Variants in STARD13 observed in about 807,000 individuals in gnomAD.
STARD13 encodes the protein StAR related lipid transfer domain containing 13.
A neutral mutation model predicts 106.4 loss-of-function variants in STARD13; 62 were observed. The ratio of observed to expected loss-of-function variants is 0.58; its 90% CI spans 0.48 to 0.72. STARD13 has a LOEUF of 0.72. Ranked by LOEUF, STARD13 falls within the 30% of genes least tolerant of loss-of-function variation. The pLI, the probability that STARD13 is intolerant of heterozygous loss-of-function variation, is 0.00. For synonymous variants in STARD13, 565 were observed against 553.0 expected (o/e 1.02, Z -0.31); for missense variants, 1,387 against 1,424.0 (o/e 0.97, Z 0.42).
the STARD13 span, among the ~76,000 whole-genome samples, chr13:33,593,917 C>CT: frequency 2.5e-4 from 38 of 151,700 alleles, no homozygotes; most frequent in South Asian, 8.3e-4. Context: ...TTTTTGTTTT[C>CT]TTTTTTTGAG....
chr13:33,634,526 G>T, the STARD13 span, among the ~76,000 whole-genome samples: 1 of 151,752 alleles, frequency 6.6e-6, no homozygotes, highest in Non-Finnish European at 1.5e-5. Context: ...TTTTCTTTTT[G>T]CAGAAGTTAT....
the STARD13 span, among the ~76,000 whole-genome samples, chr13:33,499,517 T>TC: frequency 1.9e-5 from 2 of 105,004 alleles, no homozygotes; most frequent in African/African-American, 7.4e-5. Flanking sequence ...TCTTCTTCTT[T>TC]CTTTCTTCTT....
At chr13:33,613,131 G>A in the STARD13 span, among the ~76,000 whole-genome samples, 2 of 152,216 alleles carry the variant, frequency 1.3e-5, no homozygotes, top group Non-Finnish European at 2.9e-5. Context: ...GATGGTTCCT[G>A]CCTTCAAGCA....
the STARD13 span, among the ~76,000 whole-genome samples, chr13:33,591,288 T>C: frequency 6.6e-6 from 1 of 152,258 alleles, no homozygotes; most frequent in Non-Finnish European, 1.5e-5. Flanking sequence ...AAGAAAACTC[T>C]GTCTGTTGGA....
the STARD13 span, among the ~76,000 whole-genome samples, chr13:33,598,135 T>C: frequency 6.6e-6 from 1 of 152,170 alleles, no homozygotes; most frequent in Non-Finnish European, 1.5e-5. Flanking sequence ...TCAATGTCCT[T>C]TTTTGCTAAG....
intron 1 of STARD13, among the ~76,000 whole-genome samples, chr13:33,310,245 C>A (rs1451348006): frequency 6.6e-6 from 1 of 152,042 alleles, no homozygotes; most frequent in Non-Finnish European, 1.5e-5. Flanking sequence ...GGTGGTTCTT[C>A]CGGCTGTCAA....
At chr13:33,119,259 A>G (rs1875884564) in intron 7 of STARD13, among the ~76,000 whole-genome samples, 3 of 152,190 alleles carry the variant, frequency 2.0e-5, no homozygotes, top group Admixed American at 1.3e-4. Flanking sequence ...TTAAATGCCT[A>G]TAGGGAGTTG....
the STARD13 span, among the ~76,000 whole-genome samples, chr13:33,620,048 ACT>A: frequency 6.6e-6 from 1 of 151,836 alleles, no homozygotes; most frequent in South Asian, 2.1e-4. Flanking sequence ...CAAGAGCAAA[ACT>A]CTGTCTCAAA....
chr13:33,308,985 T>G (rs1405588462), intron 1 of STARD13, among the ~76,000 whole-genome samples: 1 of 152,228 alleles, frequency 6.6e-6, no homozygotes, highest in African/African-American at 2.4e-5. Context: ...GTGAACCTGA[T>G]GGGCACTTTG....
At chr13:33,128,219 A>G (rs1317159467) in intron 5 of STARD13, among the ~76,000 whole-genome samples, 4 of 152,060 alleles carry the variant, frequency 2.6e-5, no homozygotes, top group Admixed American at 2.6e-4. Context: ...AGAGAGAGAG[A>G]GAGGGAGAGA....
chr13:33,268,867 G>A (rs1300848841), intron 1 of STARD13, among the ~76,000 whole-genome samples: 1 of 152,232 alleles, frequency 6.6e-6, no homozygotes, highest in African/African-American at 2.4e-5. Flanking sequence ...TGTTCAGTGA[G>A]CAGAGCCAGC....
chr13:33,596,548 G>A, the STARD13 span, among the ~76,000 whole-genome samples: 1 of 152,148 alleles, frequency 6.6e-6, no homozygotes. Context: ...TCATTTCTTT[G>A]TGTTGGGAAC....
At chr13:33,235,131 G>C (rs1190086291) in intron 1 of STARD13, among the ~76,000 whole-genome samples, 1 of 152,140 alleles carries the variant, frequency 6.6e-6, no homozygotes, top group African/African-American at 2.4e-5. Flanking sequence ...GGGCACTCTG[G>C]GGCACTGTAG....
the STARD13 span, among the ~76,000 whole-genome samples, chr13:33,609,105 A>AAAAAAAAAAAG: frequency 8.9e-4 from 118 of 133,144 alleles, 3 homozygotes; most frequent in East Asian, 3.7e-3. Flanking sequence ...AAAAAAAAAA[A>AAAAAAAAAAAG]AAATATTGAT....
the STARD13 span, among the ~76,000 whole-genome samples, chr13:33,386,887 T>A: frequency 6.6e-6 from 1 of 152,132 alleles, no homozygotes; most frequent in Admixed American, 6.5e-5. Flanking sequence ...TAAACTTTTT[T>A]AAAATTTCGA....
At chr13:33,437,945 T>C in the STARD13 span, among the ~76,000 whole-genome samples, 1 of 152,138 alleles carries the variant, frequency 6.6e-6, no homozygotes, top group Non-Finnish European at 1.5e-5. Context: ...TAGACCGAAC[T>C]CTCATGCACG....
chr13:33,659,229 T>TC, the STARD13 span, among the ~76,000 whole-genome samples: 2,413 of 57,866 alleles, frequency 0.042, 81 homozygotes, highest in African/African-American at 0.089. Flanking sequence ...TCTTTTTTTT[T>TC]TTTTTTTATG....
Position 33,103,918 on chromosome 13 carries a change from C to T in STARD13, c.*1675G>A, listed in dbSNP as rs1873386987. 5 of 152,198 alleles carry T rather than the reference C, an allele frequency of 3.3e-5. No individual in the cohort carries two copies. Among genetic ancestry groups the T allele is most frequent in the Admixed American group, 2.6e-4 (4 of 15,284 alleles). 9.4% of individuals were successfully genotyped at this position (152,198 alleles called of 1,614,324 possible). A position where few individuals can be genotyped will look rare whatever the true frequency, so the allele number is the denominator to read the frequency against. On this transcript the variant is annotated 3_prime_UTR_variant, in exon 14 of 14. Transcript: ENST00000336934. ...TAAATTATGGATTTACTGCTTCCTT[C>T]TTAGGTAGATATGGGAATGAAAAAT...
chr13:33,126,159 G>T lies in STARD13; in HGVS notation c.2004C>A (p.His668Gln). The T allele has an allele frequency of 6.2e-7, 1 of 1,614,108 alleles. No individual in the cohort carries two copies. The highest frequency in any genetic ancestry group is 8.5e-7 in the Non-Finnish European group (1 of 1,179,994). Reference sequence around the variant, plus strand: ...GCAGGGGCTGTCCCGTTCTTTGGACGTGGACTATGAGAGGAACGCCAAAGA... The same window carrying T: ...GCAGGGGCTGTCCCGTTCTTTGGACTTGGACTATGAGAGGAACGCCAAAGA... Reference protein sequence around the residue: ...KAVFGVPLIVHVQRTGQPLPQ... With the variant: ...KAVFGVPLIVQVQRTGQPLPQ... Residue 668 changes from histidine to glutamine, a missense_variant, in exon 7 of 14, where the codon CAC (histidine) becomes CAA (glutamine). Physicochemically the swap from His to Gln is conservative, Grantham distance 24. Transcript: ENST00000336934.
Sources: gnomAD v4.1 joint callset for allele counts (sites outside exome capture counted in the v4.1 genomes callset) on GRCh38, gnomAD v4.1.1 for gene constraint, MANE v1.5 for transcripts, NCBI Gene and HGNC (gene_info 2026-07-23, HGNC 2026-07-21) for gene names.